The following SHISA9 variants were observed in gnomAD, a reference collection of about 807,000 sequenced individuals.
SHISA9 encodes the protein shisa family member 9, also known as protein shisa-9.
A neutral mutation model predicts 38.0 loss-of-function variants in SHISA9; 13 were observed. That is an observed-to-expected ratio of 0.34 (90% CI 0.22 to 0.54). The LOEUF (loss-of-function observed/expected upper bound fraction) is 0.54, where lower values mean the gene tolerates loss of function less well. Among genes scored for constraint, SHISA9 ranks in the 20% least tolerant of loss-of-function variants. The pLI, the probability that SHISA9 is intolerant of heterozygous loss-of-function variation, is 0.91. For synonymous variants in SHISA9, 275 were observed against 242.0 expected (o/e 1.14, Z -1.27); for missense variants, 538 against 575.8 (o/e 0.93, Z 0.67).
the SHISA9 span, among the ~76,000 whole-genome samples, chr16:13,337,199 T>C: frequency 6.6e-6 from 1 of 152,256 alleles, no homozygotes; most frequent in East Asian, 1.9e-4. Flanking sequence ...AGTCTCATCT[T>C]GAATTGTAGC....
At chr16:13,364,283 T>C in the SHISA9 span, among the ~76,000 whole-genome samples, 1 of 152,190 alleles carries the variant, frequency 6.6e-6, no homozygotes, top group African/African-American at 2.4e-5. Context: ...GGAGGAGAGC[T>C]AGTCTCTGAT....
intron 2 of SHISA9, among the ~76,000 whole-genome samples, chr16:13,183,250 C>T (rs1189761787): frequency 6.6e-6 from 1 of 152,200 alleles, no homozygotes; most frequent in Non-Finnish European, 1.5e-5. Flanking sequence ...TTGCAAAGTC[C>T]GTATGAGAGA....
the SHISA9 span, among the ~76,000 whole-genome samples, chr16:13,416,939 C>T: frequency 1.9e-4 from 29 of 152,110 alleles, no homozygotes; most frequent in Admixed American, 6.5e-4. Context: ...ATAATAAAAC[C>T]TAAGAAATTT....
chr16:13,040,333 C>T (rs548032133), intron 2 of SHISA9, among the ~76,000 whole-genome samples: 2 of 152,288 alleles, frequency 1.3e-5, no homozygotes, highest in South Asian at 4.2e-4. Flanking sequence ...CTTCTCTCTA[C>T]CCCAGGGCCT....
At chr16:13,420,027 C>T in the SHISA9 span, among the ~76,000 whole-genome samples, 2 of 152,050 alleles carry the variant, frequency 1.3e-5, no homozygotes, top group African/African-American at 2.4e-5. Context: ...AGGCAGATCA[C>T]CTGAAGTCAG....
At chr16:13,499,546 G>A in the SHISA9 span, among the ~76,000 whole-genome samples, 1 of 152,062 alleles carries the variant, frequency 6.6e-6, no homozygotes, top group Non-Finnish European at 1.5e-5. Context: ...GGGTTCTGGG[G>A]TTATGGGTGA....
chr16:13,037,089 C>T (rs2073078864), intron 2 of SHISA9, among the ~76,000 whole-genome samples: 2 of 20,274 alleles, frequency 9.9e-5, no homozygotes, highest in East Asian at 2.1e-3. Flanking sequence ...CACACCACAC[C>T]ACACACACAC....
At chr16:13,210,373 G>C (rs945953388) in intron 3 of SHISA9, among the ~76,000 whole-genome samples, 5 of 152,090 alleles carry the variant, frequency 3.3e-5, no homozygotes, top group African/African-American at 1.2e-4. Context: ...TTGAGTATAA[G>C]AAAGAGACAG....
the SHISA9 span, among the ~76,000 whole-genome samples, chr16:13,406,510 T>C: frequency 2.6e-5 from 4 of 152,328 alleles, no homozygotes; most frequent in East Asian, 7.7e-4. Flanking sequence ...TCTTTTTACC[T>C]GCTCCTGTAG....
At chr16:13,223,818 A>G (rs1374523109) in intron 4 of SHISA9, among the ~76,000 whole-genome samples, 1 of 152,200 alleles carries the variant, frequency 6.6e-6, no homozygotes, top group Non-Finnish European at 1.5e-5. Flanking sequence ...ATTCCCCTTT[A>G]TAAATATTGT....
chr16:13,544,434 T>G, the SHISA9 span, among the ~76,000 whole-genome samples: 1 of 144,182 alleles, frequency 6.9e-6, no homozygotes, highest in South Asian at 2.2e-4. Flanking sequence ...TTCTTGTTTT[T>G]TTTTTTTTTT....
chr16:13,329,273 G>C, the SHISA9 span, among the ~76,000 whole-genome samples: 1 of 152,114 alleles, frequency 6.6e-6, no homozygotes, highest in Non-Finnish European at 1.5e-5. Context: ...TCTTGCAAGC[G>C]AGAGAGCTGT....
At chr16:13,342,636 C>T in the SHISA9 span, among the ~76,000 whole-genome samples, 63 of 152,286 alleles carry the variant, frequency 4.1e-4, no homozygotes, top group African/African-American at 1.5e-3. Flanking sequence ...AGGCAACAAA[C>T]TCTAATACAA....
At chr16:13,185,512 A>G (rs1230071583) in intron 2 of SHISA9, among the ~76,000 whole-genome samples, 1 of 152,094 alleles carries the variant, frequency 6.6e-6, no homozygotes, top group Non-Finnish European at 1.5e-5. Flanking sequence ...GCCATTTTTT[A>G]TATCTTGATT....
At chr16:13,441,336 T>C in the SHISA9 span, among the ~76,000 whole-genome samples, 4 of 152,090 alleles carry the variant, frequency 2.6e-5, no homozygotes, top group South Asian at 2.1e-4. Context: ...GAATGGAAAT[T>C]TGTGCACCTA....
chr16:13,535,007 G>A, the SHISA9 span, among the ~76,000 whole-genome samples: 1 of 152,268 alleles, frequency 6.6e-6, no homozygotes. Context: ...CACCTTCAGA[G>A]GCTGAGGCAG....
the SHISA9 span, among the ~76,000 whole-genome samples, chr16:13,438,268 T>A: frequency 1.3e-5 from 2 of 152,178 alleles, no homozygotes; most frequent in Non-Finnish European, 2.9e-5. Flanking sequence ...ATGAAATCAT[T>A]TTCTTAAGAT....
intron 2 of SHISA9, among the ~76,000 whole-genome samples, chr16:13,106,329 A>T (rs1463373375): frequency 1.3e-5 from 2 of 152,104 alleles, no homozygotes; most frequent in Non-Finnish European, 2.9e-5. Context: ...TACAGTAGCA[A>T]ATTTGGTGCA....
chr16:13,302,511 C>G, the SHISA9 span, among the ~76,000 whole-genome samples: 1 of 152,176 alleles, frequency 6.6e-6, no homozygotes, highest in East Asian at 1.9e-4. Context: ...AGCCACCTCC[C>G]TCTGCATGAT....
Sources: gnomAD v4.1 joint callset for allele counts (sites outside exome capture counted in the v4.1 genomes callset) on GRCh38, gnomAD v4.1.1 for gene constraint, MANE v1.5 for transcripts, NCBI Gene and HGNC (gene_info 2026-07-23, HGNC 2026-07-21) for gene names.